ENTREP2: variants seen among roughly 807,000 people sequenced by gnomAD.
ENTREP2 encodes protein ENTREP2.
At chr15:29,534,582 GA>G in the ENTREP2 span, among the ~76,000 whole-genome samples, 1 of 152,162 alleles carries the variant, frequency 6.6e-6, no homozygotes, top group African/African-American at 2.4e-5. Context: ...GAAATGCCAA[GA>G]TAAGAGTAAA....
At chr15:29,655,240 A>G in the ENTREP2 span, among the ~76,000 whole-genome samples, 4 of 152,176 alleles carry the variant, frequency 2.6e-5, no homozygotes, top group Admixed American at 2.6e-4. Context: ...TACAGCTGAG[A>G]GTGTAACAAG....
At chr15:29,631,504 G>A in the ENTREP2 span, among the ~76,000 whole-genome samples, 1 of 152,182 alleles carries the variant, frequency 6.6e-6, no homozygotes, top group Admixed American at 6.5e-5. Flanking sequence ...AGTCAAGTTT[G>A]TTAGTGTGCC....
the ENTREP2 span, among the ~76,000 whole-genome samples, chr15:29,270,445 A>C: frequency 6.6e-6 from 1 of 152,250 alleles, no homozygotes; most frequent in Non-Finnish European, 1.5e-5. Flanking sequence ...AGTATTAGGT[A>C]AATGTTTTAG....
At chr15:29,517,094 G>T in the ENTREP2 span, among the ~76,000 whole-genome samples, 31 of 152,130 alleles carry the variant, frequency 2.0e-4, no homozygotes, top group East Asian at 6.0e-3. Context: ...GGAGAGGCAG[G>T]TTGGCAGGGT....
chr15:29,170,873 G>A, the ENTREP2 span, among the ~76,000 whole-genome samples: 1 of 152,204 alleles, frequency 6.6e-6, no homozygotes, highest in African/African-American at 2.4e-5. Context: ...TTCTGCTGCT[G>A]TAACGGAATA....
the ENTREP2 span, among the ~76,000 whole-genome samples, chr15:29,515,883 AT>A: frequency 2.6e-5 from 4 of 152,140 alleles, no homozygotes; most frequent in South Asian, 8.3e-4. Context: ...GAAATGTTCT[AT>A]ACCTATGCCG....
At chr15:29,236,467 G>A in the ENTREP2 span, among the ~76,000 whole-genome samples, 1 of 151,974 alleles carries the variant, frequency 6.6e-6, no homozygotes, top group South Asian at 2.1e-4. Flanking sequence ...GCAACATAGT[G>A]AGACTTCTCT....
At chr15:29,239,499 T>G in the ENTREP2 span, among the ~76,000 whole-genome samples, 1 of 151,700 alleles carries the variant, frequency 6.6e-6, no homozygotes, top group Non-Finnish European at 1.5e-5. Context: ...CCTCTTTAAT[T>G]TGGGGGGGAC....
At chr15:29,286,756 C>T in the ENTREP2 span, among the ~76,000 whole-genome samples, 1 of 152,154 alleles carries the variant, frequency 6.6e-6, no homozygotes, top group Non-Finnish European at 1.5e-5. Context: ...AGAGTGAGGC[C>T]GTTTAGACCA....
At chr15:29,547,988 C>T in the ENTREP2 span, among the ~76,000 whole-genome samples, 2 of 152,078 alleles carry the variant, frequency 1.3e-5, no homozygotes, top group Non-Finnish European at 2.9e-5. Flanking sequence ...AGGACAAATA[C>T]TGTATGATTC....
At chr15:29,588,533 G>T in the ENTREP2 span, among the ~76,000 whole-genome samples, 2 of 64,456 alleles carry the variant, frequency 3.1e-5, no homozygotes. Context: ...AGGAAGGAAG[G>T]AAGAGAAAGA....
At chr15:29,398,964 G>A in the ENTREP2 span, among the ~76,000 whole-genome samples, 33 of 152,316 alleles carry the variant, frequency 2.2e-4, no homozygotes, top group African/African-American at 7.9e-4. Flanking sequence ...TCTTGGGTGT[G>A]CCTGACCTAA....
At chr15:29,654,723 T>TA in the ENTREP2 span, among the ~76,000 whole-genome samples, 1 of 152,050 alleles carries the variant, frequency 6.6e-6, no homozygotes, top group East Asian at 1.9e-4. Context: ...CACTCTAGGC[T>TA]AAAAAAAATT....
chr15:29,383,215 C>T, the ENTREP2 span, among the ~76,000 whole-genome samples: 5 of 152,184 alleles, frequency 3.3e-5, no homozygotes, highest in Admixed American at 6.5e-5. Flanking sequence ...GCCATGGCCA[C>T]GGCATCACAC....
chr15:29,352,226 C>T, the ENTREP2 span, among the ~76,000 whole-genome samples: 2 of 152,282 alleles, frequency 1.3e-5, no homozygotes, highest in East Asian at 3.9e-4. Flanking sequence ...TGAGCCACTG[C>T]ACCTGGCTTC....
chr15:29,262,095 A>AAAAG, the ENTREP2 span, among the ~76,000 whole-genome samples: 2 of 143,854 alleles, frequency 1.4e-5, no homozygotes, highest in African/African-American at 2.5e-5. Context: ...AAAAAAAAAA[A>AAAAG]GGGCGAAGGC....
At chr15:29,558,510 C>T in the ENTREP2 span, among the ~76,000 whole-genome samples, 1 of 151,444 alleles carries the variant, frequency 6.6e-6, no homozygotes, top group Non-Finnish European at 1.5e-5. Flanking sequence ...CTTCTGCACA[C>T]ATCCCTCCCC....
chr15:29,392,835 T>G, the ENTREP2 span, among the ~76,000 whole-genome samples: 1 of 152,232 alleles, frequency 6.6e-6, no homozygotes, highest in African/African-American at 2.4e-5. Context: ...TTAGTTTTTC[T>G]TCCACATATT....
chr15:29,504,894 A>G, the ENTREP2 span, among the ~76,000 whole-genome samples: 1 of 152,258 alleles, frequency 6.6e-6, no homozygotes, highest in Non-Finnish European at 1.5e-5. Flanking sequence ...GAAAGCCTTG[A>G]AAACATATTT....
Sources: gnomAD v4.1 joint callset for allele counts (sites outside exome capture counted in the v4.1 genomes callset) on GRCh38, gnomAD v4.1.1 for gene constraint, MANE v1.5 for transcripts, NCBI Gene and HGNC (gene_info 2026-07-23, HGNC 2026-07-21) for gene names.